The following DENND4C variants were observed in gnomAD, a reference collection of about 807,000 sequenced individuals.
DENND4C encodes the protein DENN domain containing 4C.
A neutral mutation model predicts 203.0 loss-of-function variants in DENND4C; 108 were observed. That is an observed-to-expected ratio of 0.53 (90% CI 0.46 to 0.62). The LOEUF is 0.62. Among genes scored for constraint, DENND4C ranks in the 20% least tolerant of loss-of-function variants. DENND4C has a pLI of 0.00. For synonymous variants in DENND4C, 871 were observed against 792.4 expected (o/e 1.10, Z -1.67); for missense variants, 2,481 against 2,301.2 (o/e 1.08, Z -1.60).
chr9:19,311,590 T>C (rs1027789286), intron 10 of DENND4C, among the ~76,000 whole-genome samples: 4 of 152,138 alleles, frequency 2.6e-5, no homozygotes, highest in African/African-American at 9.7e-5. Flanking sequence ...CCAATAACTC[T>C]ATAGAAAAAT....
At position 19,299,336 on chromosome 9, in the gene DENND4C, G is replaced by C. The variant is rs749950462; in HGVS notation, c.1166+49G>C. On this transcript the variant is annotated intron_variant, in intron 8 of 32. Coordinates refer to ENST00000434457, the MANE Select transcript of DENND4C (RefSeq NM_001330640.2). ...TATATTTATTCAGTTGGAGCAGAAT[G>C]CTTTAAAATATTTTAGTGATTAGTA... 5 of 1,289,434 alleles carry C rather than the reference G, an allele frequency of 3.9e-6. No individual in the cohort carries two copies. In the South Asian group the frequency reaches 7.5e-5, roughly 19 times the overall value. The allele number at this position is 1,289,434 out of a possible 1,614,324, so 79.9% of individuals were successfully genotyped here. A position where few individuals can be genotyped will look rare whatever the true frequency, so the allele number is the denominator to read the frequency against.
At chr9:19,293,823 A>C (rs1478959593) in intron 5 of DENND4C, among the ~76,000 whole-genome samples, 3 of 152,176 alleles carry the variant, frequency 2.0e-5, no homozygotes, top group Non-Finnish European at 4.4e-5. Flanking sequence ...TTGAAGGATG[A>C]GATATTACCT....
At chr9:19,276,038 A>G (rs1832847593) in intron 1 of DENND4C, 120 bp from the exon 2 acceptor site, 3 of 489,698 alleles carry the variant, frequency 6.1e-6, no homozygotes, top group South Asian at 1.1e-4. Flanking sequence ...CAGAATGGCA[A>G]TTTGATTATA....
chr9:19,304,205 G>C (rs1448324711), intron 9 of DENND4C, among the ~76,000 whole-genome samples: 2 of 126,588 alleles, frequency 1.6e-5, no homozygotes, highest in East Asian at 5.1e-4. Flanking sequence ...TTTTTTTTGA[G>C]ACAGAGTCTT....
intron 1 of DENND4C, among the ~76,000 whole-genome samples, chr9:19,233,162 T>C (rs1821009494): frequency 6.6e-6 from 1 of 152,200 alleles, no homozygotes; most frequent in Non-Finnish European, 1.5e-5. Context: ...GTTTTTTTGA[T>C]TTGCAAAACG....
intron 1 of DENND4C, among the ~76,000 whole-genome samples, chr9:19,237,642 C>T (rs373691841): frequency 6.6e-4 from 101 of 152,314 alleles, no homozygotes; most frequent in African/African-American, 2.4e-3. Context: ...CAGGCGTAGC[C>T]ATCGCACCCA....
intron 23 of DENND4C, among the ~76,000 whole-genome samples, chr9:19,348,047 G>A (rs1823289268): frequency 6.6e-6 from 1 of 152,204 alleles, no homozygotes; most frequent in Admixed American, 6.5e-5. Flanking sequence ...AGATAAGGCA[G>A]ATATGTATAA....
intron 1 of DENND4C, among the ~76,000 whole-genome samples, chr9:19,267,144 A>G (rs1385692191): frequency 6.6e-6 from 1 of 152,180 alleles, no homozygotes; most frequent in Non-Finnish European, 1.5e-5. Flanking sequence ...TCTATAGTGC[A>G]GATTCAGTCA....
intron 30 of DENND4C, among the ~76,000 whole-genome samples, chr9:19,367,628 A>C (rs1435925690): frequency 1.3e-5 from 2 of 152,256 alleles, no homozygotes; most frequent in African/African-American, 4.8e-5. Flanking sequence ...AGTCCCAGCT[A>C]CTTGGGAGGA....
intron 21 of DENND4C, 138 bp downstream of exon 21, chr9:19,341,252 C>A: frequency 1.7e-5 from 9 of 535,962 alleles, no homozygotes; most frequent in Admixed American, 4.5e-5. Flanking sequence ...TGTACTGTTA[C>A]ATAAGGTAGA....
intron 1 of DENND4C, among the ~76,000 whole-genome samples, chr9:19,259,360 G>A (rs112701991): frequency 6.6e-6 from 1 of 152,054 alleles, no homozygotes. Context: ...AAAACGTGAA[G>A]TTTGTGTTTC....
chr9:19,241,421 T>C (rs1414860238), intron 1 of DENND4C, among the ~76,000 whole-genome samples: 1 of 152,094 alleles, frequency 6.6e-6, no homozygotes, highest in African/African-American at 2.4e-5. Flanking sequence ...CTATGTTGCT[T>C]AGGCTGGCCT....
At position 19,316,621 on chromosome 9, in the gene DENND4C, T is replaced by G; in HGVS notation, c.1589T>G (p.Val530Gly). 1.2e-6 allele frequency: 2 copies of G among 1,612,564 alleles called. No homozygotes were observed. Among genetic ancestry groups the G allele is most frequent in the Non-Finnish European group, 1.7e-6 (2 of 1,179,602 alleles). Reference sequence around the variant, plus strand: ...TTTCTGTTTTTATTTCCTTTGTTAGTTCACCAAAAAACTCAAGAAGGCTCA... The same window carrying G: ...TTTCTGTTTTTATTTCCTTTGTTAGGTCACCAAAAAACTCAAGAAGGCTCA... ...LKKLYPQLSS[V>G]HQKTQEGSAI... The change falls in exon 12 of 33, where the codon GTT becomes GGT. Residue 530 changes from valine to glycine, a missense_variant and splice_region_variant. This residue lies in a region of DENND4C where 2,289 missense variants were observed against 2,113.3 expected (regional missense o/e 1.08). Transcript: ENST00000434457.
chr9:19,240,407 C>A (rs527958357), intron 1 of DENND4C, among the ~76,000 whole-genome samples: 4 of 152,266 alleles, frequency 2.6e-5, no homozygotes, highest in African/African-American at 9.6e-5. Context: ...GTGGCTCACA[C>A]TTGTAATCCC....
chr9:19,368,016 G>A (rs1002741072), intron 30 of DENND4C, among the ~76,000 whole-genome samples: 1 of 152,146 alleles, frequency 6.6e-6, no homozygotes, highest in African/African-American at 2.4e-5. Flanking sequence ...TTTGGGATAT[G>A]AACATGTTCT....
chr9:19,341,423 G>A (rs1009648847), intron 21 of DENND4C, among the ~76,000 whole-genome samples: 1 of 149,294 alleles, frequency 6.7e-6, no homozygotes, highest in African/African-American at 2.5e-5. Flanking sequence ...TGATCCTCCT[G>A]CCTCAGTCCC....
rs1283599412 is a variant in DENND4C, at chr9:19,373,320, G to T, written c.*1147G>T. On this transcript the variant is annotated 3_prime_UTR_variant, in exon 33 of 33. Transcript: ENST00000434457. ...GAACAAATGAATCAATCATCAGATA[G>T]TTAAAATGAAATTAAATCAGCTGCC... 2 of 152,496 alleles carry T rather than the reference G, an allele frequency of 1.3e-5. No homozygotes were observed. The highest frequency in any genetic ancestry group is 4.8e-5 in the African/African-American group (2 of 41,448). 9.4% of individuals were successfully genotyped at this position (152,496 alleles called of 1,614,324 possible).
intron 30 of DENND4C, among the ~76,000 whole-genome samples, chr9:19,368,747 C>G (rs1373183861): frequency 6.6e-6 from 1 of 152,050 alleles, no homozygotes; most frequent in Non-Finnish European, 1.5e-5. Flanking sequence ...CTGCAGTGAG[C>G]TGTGATTGCA....
intron 1 of DENND4C, among the ~76,000 whole-genome samples, chr9:19,260,306 C>G (rs964969725): frequency 1.3e-5 from 2 of 151,886 alleles, no homozygotes; most frequent in African/African-American, 2.4e-5. Context: ...GATATTTTGC[C>G]TGTTTTTAAA....
Sources: allele counts gnomAD v4.1 joint callset (sites outside exome capture counted in the v4.1 genomes callset), GRCh38; gene constraint gnomAD v4.1.1; regional missense constraint gnomAD v4.1.1; transcripts MANE v1.5; gene names NCBI Gene and HGNC (gene_info 2026-07-23, HGNC 2026-07-21).